The following PCDH15 variants were observed in gnomAD, a reference collection of about 807,000 sequenced individuals.
PCDH15 encodes protocadherin-15.
Under a neutral mutation model 178.5 loss-of-function variants are expected in PCDH15, and 129 were observed. The observed-to-expected ratio is 0.72, with a 90% confidence interval of 0.63 to 0.84. PCDH15 has a LOEUF of 0.84. Among genes scored for constraint, PCDH15 ranks in the 40% least tolerant of loss-of-function variants. The pLI, the probability that PCDH15 is intolerant of heterozygous loss-of-function variation, is 0.00. For synonymous variants in PCDH15, 800 were observed against 732.0 expected (o/e 1.09, Z -1.50); for missense variants, 2,230 against 2,099.9 (o/e 1.06, Z -1.21).
In PCDH15 at chr10:54,153,363, C is replaced by T; in HGVS notation, c.1591-70G>A. The T allele has an allele frequency of 2.0e-6, 3 of 1,528,580 alleles. No individual in the cohort carries two copies. The South Asian group carries it at 3.4e-5, about 17-fold the overall frequency. 94.7% of individuals were successfully genotyped at this position (1,528,580 alleles called of 1,614,324 possible). A position where few individuals can be genotyped will look rare whatever the true frequency, so the allele number is the denominator to read the frequency against. On this transcript the variant is annotated intron_variant, in intron 13 of 37. Coordinates refer to ENST00000644397, the MANE Select transcript of PCDH15 (RefSeq NM_001384140.1). ...TTCACCACCATGTCGTTTTTTCCCC[C>T]AACAAAAGAAGCTTGCTTTCAAAGA...
intron 2 of PCDH15, among the ~76,000 whole-genome samples, chr10:55,015,055 T>C (rs1840138476): frequency 6.6e-6 from 1 of 152,026 alleles, no homozygotes; most frequent in Non-Finnish European, 1.5e-5. Context: ...ACCCCATCTC[T>C]ACTAAGAATA....
intron 2 of PCDH15, among the ~76,000 whole-genome samples, chr10:54,615,035 G>A (rs1015487259): frequency 6.6e-6 from 1 of 151,844 alleles, no homozygotes; most frequent in Non-Finnish European, 1.5e-5. Flanking sequence ...ATGTTGGATA[G>A]GTATTTACCC....
intron 3 of PCDH15, among the ~76,000 whole-genome samples, chr10:54,412,516 A>G (rs1953690287): frequency 6.6e-6 from 1 of 152,106 alleles, no homozygotes; most frequent in Non-Finnish European, 1.5e-5. Context: ...TCCTCAGAGG[A>G]CATACACCGA....
intron 1 of PCDH15, among the ~76,000 whole-genome samples, chr10:55,206,561 G>A (rs962541464): frequency 2.0e-5 from 3 of 152,008 alleles, no homozygotes; most frequent in Non-Finnish European, 2.9e-5. Flanking sequence ...GTGGGTTTGA[G>A]GTCAGACTAT....
chr10:54,260,435 A>T (rs369307859), intron 8 of PCDH15, among the ~76,000 whole-genome samples: 1 of 152,056 alleles, frequency 6.6e-6, no homozygotes, highest in Admixed American at 6.6e-5. Context: ...TAAATATGCC[A>T]TCATATCACT....
chr10:54,168,428 C>A (rs1455727964), intron 13 of PCDH15, among the ~76,000 whole-genome samples: 1 of 151,830 alleles, frequency 6.6e-6, no homozygotes, highest in African/African-American at 2.4e-5. Context: ...CCCTTCCTCC[C>A]CAGGCTGCTC....
At chr10:55,368,861 T>C (rs904331408) in intron 2 of PCDH15, among the ~76,000 whole-genome samples, 1 of 151,898 alleles carries the variant, frequency 6.6e-6, no homozygotes, top group Non-Finnish European at 1.5e-5. Flanking sequence ...AAACTACAGG[T>C]TGCGTAAGAA....
At chr10:55,193,707 T>A (rs1422738361) in intron 1 of PCDH15, among the ~76,000 whole-genome samples, 1 of 152,048 alleles carries the variant, frequency 6.6e-6, no homozygotes, top group Non-Finnish European at 1.5e-5. Context: ...AACTTTATCA[T>A]GCATTTAGTA....
chr10:54,853,906 T>C (rs1280959017), intron 3 of PCDH15, among the ~76,000 whole-genome samples: 1 of 152,190 alleles, frequency 6.6e-6, no homozygotes, highest in Non-Finnish European at 1.5e-5. Context: ...GAAACCTCTG[T>C]GGCTGGATGT....
chr10:55,363,194 G>A (rs1845271372), intron 2 of PCDH15, among the ~76,000 whole-genome samples: 2 of 152,088 alleles, frequency 1.3e-5, no homozygotes, highest in East Asian at 1.9e-4. Context: ...TCAATGTACC[G>A]ATGAATATTC....
intron 1 of PCDH15, among the ~76,000 whole-genome samples, chr10:54,675,298 C>T (rs188857183): frequency 2.0e-5 from 3 of 151,528 alleles, no homozygotes; most frequent in Non-Finnish European, 2.9e-5. Flanking sequence ...GTTATATGTC[C>T]CTTGGGGATG....
At chr10:54,716,701 T>C (rs549747024) in intron 1 of PCDH15, among the ~76,000 whole-genome samples, 188 of 152,120 alleles carry the variant, frequency 1.2e-3, no homozygotes, top group African/African-American at 4.3e-3. Flanking sequence ...AAATCATAGA[T>C]TCAATGCCAT....
intron 2 of PCDH15, chr10:54,607,972 G>A: frequency 4.0e-6 from 2 of 499,170 alleles, no homozygotes; most frequent in Non-Finnish European, 7.9e-6. Context: ...CCGCACTTTG[G>A]AAAGGCTTTG....
At chr10:54,602,574 C>T (rs549528023) in intron 2 of PCDH15, among the ~76,000 whole-genome samples, 3 of 152,036 alleles carry the variant, frequency 2.0e-5, no homozygotes, top group African/African-American at 7.2e-5. Context: ...GGGTTTTCCC[C>T]ATTGATTATT....
At chr10:55,556,506 A>T (rs560259930) in intron 2 of PCDH15, among the ~76,000 whole-genome samples, 71 of 152,082 alleles carry the variant, frequency 4.7e-4, no homozygotes, top group Non-Finnish European at 7.8e-4. Flanking sequence ...AGATTGTTTT[A>T]ATCTTATTTT....
intron 29 of PCDH15, among the ~76,000 whole-genome samples, chr10:53,833,808 A>C (rs2132665682): frequency 6.6e-6 from 1 of 151,994 alleles, no homozygotes; most frequent in Non-Finnish European, 1.5e-5. Flanking sequence ...CTCTTTTATT[A>C]TTTATATGTT....
At chr10:54,567,914 C>T (rs1172226655) in intron 2 of PCDH15, among the ~76,000 whole-genome samples, 1 of 152,126 alleles carries the variant, frequency 6.6e-6, no homozygotes, top group African/African-American at 2.4e-5. Flanking sequence ...TCCTCTAAGG[C>T]TTCCAGCATC....
intron 1 of PCDH15, among the ~76,000 whole-genome samples, chr10:55,299,071 G>T (rs1843205027): frequency 6.6e-6 from 1 of 152,084 alleles, no homozygotes; most frequent in African/African-American, 2.4e-5. Flanking sequence ...TTACTTCACT[G>T]TATATCTGAA....
chr10:55,225,621 A>ATG (rs918813542), intron 1 of PCDH15, among the ~76,000 whole-genome samples: 4 of 146,644 alleles, frequency 2.7e-5, no homozygotes, highest in African/African-American at 7.5e-5. Context: ...GTGTGTGTGT[A>ATG]TGTGTGTGTG....
Sources: allele counts gnomAD v4.1 joint callset (sites outside exome capture counted in the v4.1 genomes callset), GRCh38; gene constraint gnomAD v4.1.1; transcripts MANE v1.5; gene names NCBI Gene and HGNC (gene_info 2026-07-23, HGNC 2026-07-21).